Variants in PDE12 observed in about 807,000 individuals in gnomAD.
The protein encoded by PDE12 is 2',5'-phosphodiesterase 12.
A neutral mutation model predicts 45.4 loss-of-function variants in PDE12; 26 were observed. That is an observed-to-expected ratio of 0.57 (90% CI 0.42 to 0.79). PDE12 has a LOEUF of 0.79. Among genes scored for constraint, PDE12 ranks in the 30% least tolerant of loss-of-function variants. PDE12 has a pLI of 0.00. For missense variants in PDE12, 668 were observed against 790.0 expected, an observed-to-expected ratio of 0.85 and a Z score of 1.85; for synonymous variants, 283 against 323.9, an observed-to-expected ratio of 0.87 and a Z score of 1.36.
At chr3:57,636,936 C>CAAAAAA in the PDE12 span, among the ~76,000 whole-genome samples, 1 of 52,002 alleles carries the variant, frequency 1.9e-5, no homozygotes, top group Non-Finnish European at 4.1e-5. Context: ...GACTCTGTCT[C>CAAAAAA]AAAAAAAAAA....
the PDE12 span, among the ~76,000 whole-genome samples, chr3:57,591,927 G>T: frequency 3.3e-5 from 5 of 152,146 alleles, no homozygotes; most frequent in Non-Finnish European, 7.3e-5. Flanking sequence ...TATTACTAAT[G>T]GGTATCAGGT....
At chr3:57,636,969 A>G in the PDE12 span, among the ~76,000 whole-genome samples, 1 of 151,158 alleles carries the variant, frequency 6.6e-6, no homozygotes, top group South Asian at 2.1e-4. Flanking sequence ...AGTTATCCAT[A>G]GGAAGGAGAA....
the PDE12 span, among the ~76,000 whole-genome samples, chr3:57,593,444 A>C: frequency 6.6e-6 from 1 of 152,220 alleles, no homozygotes; most frequent in East Asian, 1.9e-4. Flanking sequence ...TATTTTTTAA[A>C]GTGACAAATA....
At position 57,563,897 on chromosome 3, in the gene PDE12, T is replaced by G. The variant is rs1467589601; in HGVS notation, c.*3893T>G. On this transcript the variant is annotated 3_prime_UTR_variant, in exon 3 of 3. Coordinates refer to ENST00000311180, the MANE Select transcript of PDE12 (RefSeq NM_177966.7). Reference sequence around the variant, plus strand: ...CAAGACCCTGTCTTCAAAAAACCACTCTAGATTTCATGTTGTAGGGGGTAG... The same window carrying G: ...CAAGACCCTGTCTTCAAAAAACCACGCTAGATTTCATGTTGTAGGGGGTAG... The G allele has an allele frequency of 6.6e-6, 1 of 152,106 alleles. No homozygotes were observed. Among genetic ancestry groups the G allele is most frequent in the Admixed American group, 6.5e-5 (1 of 15,270 alleles). 9.4% of individuals were successfully genotyped at this position (152,106 alleles called of 1,614,324 possible).
the PDE12 span, among the ~76,000 whole-genome samples, chr3:57,611,637 C>T: frequency 6.6e-6 from 1 of 152,112 alleles, no homozygotes; most frequent in East Asian, 1.9e-4. Context: ...TGAAAAAATG[C>T]TCATCATCAC....
At chr3:57,649,937 AC>A in the PDE12 span, among the ~76,000 whole-genome samples, 1 of 151,562 alleles carries the variant, frequency 6.6e-6, no homozygotes, top group Non-Finnish European at 1.5e-5. Flanking sequence ...ACACACACAC[AC>A]ACACCGTGGA....
the PDE12 span, chr3:57,597,375 C>T: frequency 2.5e-6 from 1 of 407,934 alleles, no homozygotes; most frequent in Non-Finnish European, 4.5e-6. Context: ...AGCCTTTAGG[C>T]TCTGGCTGTG....
chr3:57,589,815 G>A, the PDE12 span, among the ~76,000 whole-genome samples: 5,691 of 151,972 alleles, frequency 0.037, 134 homozygotes, highest in African/African-American at 0.051. Context: ...AGATCCAGCC[G>A]GGCACGGTGG....
the PDE12 span, among the ~76,000 whole-genome samples, chr3:57,588,752 T>C: frequency 7.7e-6 from 1 of 129,948 alleles, no homozygotes; most frequent in African/African-American, 3.0e-5. Context: ...AGCTCAGGAG[T>C]TTGTGACCAG....
the PDE12 span, among the ~76,000 whole-genome samples, chr3:57,601,602 G>A: frequency 1.3e-5 from 2 of 152,112 alleles, no homozygotes; most frequent in Non-Finnish European, 2.9e-5. Context: ...TTGAGCATCT[G>A]CAGATTTTGG....
the PDE12 span, among the ~76,000 whole-genome samples, chr3:57,647,252 A>G: frequency 1.9e-4 from 29 of 152,328 alleles, 1 homozygote; most frequent in East Asian, 5.4e-3. Flanking sequence ...AGGGGAGTTA[A>G]TTTTAACTAT....
the PDE12 span, among the ~76,000 whole-genome samples, chr3:57,631,556 A>C: frequency 1.3e-5 from 2 of 152,030 alleles, no homozygotes; most frequent in African/African-American, 4.8e-5. Context: ...CAGATAATGC[A>C]CTCAACATTT....
At chr3:57,646,469 T>C in the PDE12 span, 90 of 1,581,222 alleles carry the variant, frequency 5.7e-5, no homozygotes, top group African/African-American at 9.8e-4. Context: ...GAAATACTTT[T>C]TAATGTAGCC....
At chr3:57,647,502 C>G in the PDE12 span, among the ~76,000 whole-genome samples, 1 of 152,048 alleles carries the variant, frequency 6.6e-6, no homozygotes, top group East Asian at 1.9e-4. Flanking sequence ...CTGCTGGAGC[C>G]CAAATGTGGT....
chr3:57,560,043 G>C lies in PDE12; in HGVS notation c.*39G>C. 6.5e-7 allele frequency: 1 copy of C among 1,544,826 alleles called. No homozygotes were observed. Among genetic ancestry groups the C allele is most frequent in the Non-Finnish European group, 8.7e-7 (1 of 1,154,242 alleles). On this transcript the variant is annotated 3_prime_UTR_variant, in exon 3 of 3. Transcript: ENST00000311180. ...GGAATTGAAGTCTGAAAAGGAAGTAGTTATTTTAGCAGAAAATTTAATATG... is the reference window on the plus strand; with the variant it reads ...GGAATTGAAGTCTGAAAAGGAAGTACTTATTTTAGCAGAAAATTTAATATG...
chr3:57,608,708 C>A, the PDE12 span, among the ~76,000 whole-genome samples: 2 of 152,052 alleles, frequency 1.3e-5, no homozygotes, highest in African/African-American at 4.8e-5. Flanking sequence ...TATATATGCA[C>A]CCAATACAGG....
Position 57,557,016 on chromosome 3 carries a change from C to T in PDE12, c.637C>T (p.Pro213Ser), listed in dbSNP as rs150176548. ...AGCGGCGGAGCCCGAGGTCGGTGTC[C>T]CCTCGTCATTGTCTCCCTCCTCACC... ...PGAAEPEVGV[P>S]SSLSPSSPSS... The change falls in exon 1 of 3, where the codon CCC becomes TCC. Residue 213 changes from proline to serine, a missense_variant. By Grantham distance (74) the Pro-to-Ser change is moderately conservative (BLOSUM62 -1). Coordinates refer to ENST00000311180, the MANE Select transcript of PDE12 (RefSeq NM_177966.7). 3 of 1,613,986 alleles carry T rather than the reference C, an allele frequency of 1.9e-6. No homozygotes were observed. The highest frequency in any genetic ancestry group is 2.7e-5 in the African/African-American group (2 of 74,884).
At position 57,557,265 on chromosome 3, in the gene PDE12, C is replaced by T; in HGVS notation, c.886C>T (p.Arg296Cys). 1.2e-6 allele frequency: 2 copies of T among 1,613,950 alleles called. No homozygotes were observed. Among genetic ancestry groups the T allele is most frequent in the Non-Finnish European group, 1.7e-6 (2 of 1,180,016 alleles). ...GAAGGTGACTGAGGACGCTCTCATC[C>T]GCACTGTCTCTTACAACATCCTGGC... ...TKKVTEDALI[R>C]TVSYNILADT... is the part of the protein sequence containing the mutation. Residue 296 changes from arginine (R) to cysteine (C), a missense_variant, in exon 1 of 3, where the codon CGC (arginine) becomes TGC (cysteine). Arg to Cys is a radical substitution (Grantham distance 180, BLOSUM62 -3). Coordinates refer to ENST00000311180, the MANE Select transcript of PDE12 (RefSeq NM_177966.7).
At chr3:57,589,671 C>A in the PDE12 span, among the ~76,000 whole-genome samples, 1 of 150,372 alleles carries the variant, frequency 6.7e-6, no homozygotes, top group Non-Finnish European at 1.5e-5. Context: ...TGAGCCCATA[C>A]CGCGCCACGG....
Sources: gnomAD v4.1 joint callset for allele counts (sites outside exome capture counted in the v4.1 genomes callset) on GRCh38, gnomAD v4.1.1 for gene constraint, MANE v1.5 for transcripts, NCBI Gene and HGNC (gene_info 2026-07-23, HGNC 2026-07-21) for gene names.